The following KCNK1 variants were observed in gnomAD, a reference collection of about 807,000 sequenced individuals.
KCNK1 encodes potassium channel subfamily K member 1.
In KCNK1, 10 loss-of-function variants were observed where a neutral mutation model predicts 22.2. The observed-to-expected ratio is 0.45, with a 90% CI of 0.28 to 0.76. KCNK1 has a LOEUF of 0.76. Among genes scored for constraint, KCNK1 ranks in the 30% least tolerant of loss-of-function variants. KCNK1 has a pLI of 0.14. For synonymous variants in KCNK1, 200 were observed against 186.4 expected (o/e 1.07, Z -0.60); for missense variants, 378 against 421.0 (o/e 0.90, Z 0.89).
intron 1 of KCNK1, among the ~76,000 whole-genome samples, chr1:233,665,299 A>G (rs1392017647): frequency 1.3e-5 from 2 of 152,240 alleles, no homozygotes; most frequent in African/African-American, 4.8e-5. Context: ...AACCACGTCC[A>G]TGCACATTTG....
chr1:233,661,594 G>A (rs1280718862), intron 1 of KCNK1, among the ~76,000 whole-genome samples: 1 of 152,142 alleles, frequency 6.6e-6, no homozygotes, highest in Non-Finnish European at 1.5e-5. Flanking sequence ...ATTGACTGTA[G>A]CCCACTTTCA....
intron 1 of KCNK1, among the ~76,000 whole-genome samples, chr1:233,643,611 C>T (rs2102896741): frequency 6.6e-6 from 1 of 152,214 alleles, no homozygotes; most frequent in Non-Finnish European, 1.5e-5. Context: ...GAGACTTGGA[C>T]CTCATAAATG....
intron 1 of KCNK1, among the ~76,000 whole-genome samples, chr1:233,632,056 A>G (rs1657806827): frequency 6.6e-6 from 1 of 152,170 alleles, no homozygotes; most frequent in African/African-American, 2.4e-5. Context: ...TCCCTCTTCC[A>G]CGTGCGTGCT....
chr1:233,625,939 T>C (rs1216796937), intron 1 of KCNK1, among the ~76,000 whole-genome samples: 1 of 151,990 alleles, frequency 6.6e-6, no homozygotes, highest in African/African-American at 2.4e-5. Context: ...CTGTAGGATG[T>C]CCTAGGCCAC....
At chr1:233,670,071 T>G (rs972785887) in intron 2 of KCNK1, among the ~76,000 whole-genome samples, 6 of 152,216 alleles carry the variant, frequency 3.9e-5, no homozygotes, top group African/African-American at 1.4e-4. Flanking sequence ...ATCAGAATTT[T>G]TGTTATTCTT....
intron 1 of KCNK1, chr1:233,649,970 T>A (rs17814096): frequency 5.6e-6 from 3 of 533,200 alleles, no homozygotes; most frequent in Non-Finnish European, 1.2e-5. Flanking sequence ...CTGATTTGGT[T>A]AGAAGATTGT....
chr1:233,656,694 C>A (rs1658305514), intron 1 of KCNK1, among the ~76,000 whole-genome samples: 1 of 152,322 alleles, frequency 6.6e-6, no homozygotes, highest in Non-Finnish European at 1.5e-5. Flanking sequence ...TCATGGCTCA[C>A]TGCAGCCTCA....
intron 1 of KCNK1, among the ~76,000 whole-genome samples, chr1:233,658,287 A>T (rs931645269): frequency 3.9e-5 from 6 of 152,196 alleles, no homozygotes; most frequent in Non-Finnish European, 8.8e-5. Context: ...AAATAATTAT[A>T]TGTGTTTTTA....
At chr1:233,625,506 T>C (rs1344618224) in intron 1 of KCNK1, among the ~76,000 whole-genome samples, 2 of 151,706 alleles carry the variant, frequency 1.3e-5, no homozygotes, top group Non-Finnish European at 2.9e-5. Flanking sequence ...GGGTGAGAGA[T>C]AGGAGGGCAG....
At chr1:233,660,308 T>C (rs1253165227) in intron 1 of KCNK1, among the ~76,000 whole-genome samples, 1 of 152,198 alleles carries the variant, frequency 6.6e-6, no homozygotes, top group African/African-American at 2.4e-5. Context: ...TAAACAGGGA[T>C]TCCTTGAGAG....
chr1:233,614,646 C>T lies in KCNK1; in HGVS notation c.355+120C>T. On this transcript the variant is annotated intron_variant, in intron 1 of 2. Transcript: ENST00000366621. Reference sequence around the variant, plus strand: ...ACCCCACCCCCCACCTTTCGCCATCCCGGCTCCTCCAGCCCGCCTCCCCTC... The same window carrying T: ...ACCCCACCCCCCACCTTTCGCCATCTCGGCTCCTCCAGCCCGCCTCCCCTC... The T allele has an allele frequency of 4.0e-6, 3 of 755,746 alleles. No individual in the cohort carries two copies. The Admixed American group carries it at 8.8e-5, about 22-fold the overall frequency. 46.8% of individuals were successfully genotyped at this position (755,746 alleles called of 1,614,324 possible).
chr1:233,634,753 A>C (rs544906082), intron 1 of KCNK1, among the ~76,000 whole-genome samples: 1 of 152,216 alleles, frequency 6.6e-6, no homozygotes, highest in Non-Finnish European at 1.5e-5. Context: ...ATGCATTTAC[A>C]CTTCCTTAGA....
chr1:233,660,140 A>T (rs1558118729), intron 1 of KCNK1, among the ~76,000 whole-genome samples: 1 of 152,268 alleles, frequency 6.6e-6, no homozygotes, highest in Non-Finnish European at 1.5e-5. Flanking sequence ...CAATGAAAAT[A>T]TACTTATATA....
chr1:233,641,615 C>T (rs1174468360), intron 1 of KCNK1, among the ~76,000 whole-genome samples: 4 of 152,216 alleles, frequency 2.6e-5, no homozygotes, highest in Non-Finnish European at 5.9e-5. Flanking sequence ...CACTTCCTGG[C>T]TTGCCATTCC....
At chr1:233,664,667 G>T (rs1658458140) in intron 1 of KCNK1, among the ~76,000 whole-genome samples, 4 of 152,194 alleles carry the variant, frequency 2.6e-5, no homozygotes, top group Admixed American at 2.6e-4. Context: ...GGGACAGTGG[G>T]TCAAGAACCC....
intron 1 of KCNK1, among the ~76,000 whole-genome samples, chr1:233,661,289 T>G (rs1658388861): frequency 6.6e-6 from 1 of 152,216 alleles, no homozygotes; most frequent in African/African-American, 2.4e-5. Flanking sequence ...CTTGAGTTGT[T>G]TGCTGGCTCC....
chr1:233,644,209 C>T (rs1167784734), intron 1 of KCNK1, among the ~76,000 whole-genome samples: 1 of 152,166 alleles, frequency 6.6e-6, no homozygotes, highest in Non-Finnish European at 1.5e-5. Context: ...TTTATAGCAG[C>T]TTTAACCTAT....
intron 1 of KCNK1, among the ~76,000 whole-genome samples, chr1:233,624,586 A>T (rs925116852): frequency 3.3e-5 from 5 of 152,122 alleles, no homozygotes; most frequent in African/African-American, 1.2e-4. Flanking sequence ...ACATTTCTTC[A>T]TATGTCTGAA....
rs139643753 is a variant in KCNK1 at position 233,615,183 on chromosome 1, T to C, written c.355+657T>C. On this transcript the variant is annotated intron_variant, in intron 1 of 2. Coordinates refer to ENST00000366621, the MANE Select transcript of KCNK1 (RefSeq NM_002245.4). Reference sequence around the variant, plus strand: ...AGGCCGATCCGGTTTCTTTTCAGAGTAGGAGGAAGGGTGAGGGAGAGTAAA... The same window carrying C: ...AGGCCGATCCGGTTTCTTTTCAGAGCAGGAGGAAGGGTGAGGGAGAGTAAA... Among the ~76,000 whole-genome samples the C allele has an allele frequency of 1.6e-3, 249 of 152,124 alleles. 1 individual carries two copies. Among genetic ancestry groups the C allele is most frequent in the African/African-American group, 5.4e-3 (224 of 41,500 alleles).
Sources: gnomAD v4.1 joint callset for allele counts (sites outside exome capture counted in the v4.1 genomes callset) on GRCh38, gnomAD v4.1.1 for gene constraint, MANE v1.5 for transcripts, NCBI Gene and HGNC (gene_info 2026-07-23, HGNC 2026-07-21) for gene names.